The following VPS13C variants were observed in gnomAD, a reference collection of about 807,000 sequenced individuals.
VPS13C encodes vacuolar protein sorting 13 homolog C, also known as intermembrane lipid transfer protein VPS13C.
VPS13C carries 358 observed loss-of-function variants against 456.8 expected under a neutral mutation model. That is an observed-to-expected ratio of 0.78 (90% CI 0.72 to 0.86). VPS13C has a LOEUF of 0.86. VPS13C is among the 40% of genes least tolerant of loss of function. VPS13C has a pLI of 0.00. For synonymous variants in VPS13C, 1,578 were observed against 1,486.7 expected (o/e 1.06, Z -1.41); for missense variants, 4,818 against 4,385.4 (o/e 1.10, Z -2.79).
At chr15:61,907,084 C>T (rs1251621864) in intron 66 of VPS13C, 180 bp downstream of exon 66, 1 of 715,560 alleles carries the variant, frequency 1.4e-6, no homozygotes, top group Non-Finnish European at 2.3e-6. Flanking sequence ...TTTGATAGAG[C>T]TAAGGTAATA....
chr15:62,000,665 T>A, intron 15 of VPS13C, 39 bp from the exon 16 acceptor site: 2 of 1,551,436 alleles, frequency 1.3e-6, no homozygotes. Context: ...AGAAATTTAA[T>A]CATTAGATAA....
rs1277564424 is a variant in VPS13C at position 61,853,193 on chromosome 15, A to G, written c.*1264T>C. ...CAGTGTCATTATATATGCCTTATTTATATATAAAACAACCAAAGAATTTTC... is the reference window on the plus strand; with the variant it reads ...CAGTGTCATTATATATGCCTTATTTGTATATAAAACAACCAAAGAATTTTC... On this transcript the variant is annotated 3_prime_UTR_variant, in exon 85 of 85. Coordinates refer to ENST00000644861, the MANE Select transcript of VPS13C (RefSeq NM_020821.3). 1 of 152,174 alleles carries G rather than the reference A, an allele frequency of 6.6e-6. No homozygotes were observed. Among genetic ancestry groups the G allele is most frequent in the African/African-American group, 2.4e-5 (1 of 41,450 alleles). The allele number at this position is 152,174 out of a possible 1,614,324, so 9.4% of individuals were successfully genotyped here. A position where few individuals can be genotyped will look rare whatever the true frequency, so the allele number is the denominator to read the frequency against.
At chr15:61,895,033 C>T (rs184472689) in intron 66 of VPS13C, among the ~76,000 whole-genome samples, 1 of 151,892 alleles carries the variant, frequency 6.6e-6, no homozygotes, top group Non-Finnish European at 1.5e-5. Flanking sequence ...TTTCTGTCCA[C>T]AATGGAATAA....
chr15:62,014,673 G>C (rs1328034082), intron 9 of VPS13C, among the ~76,000 whole-genome samples: 2 of 152,114 alleles, frequency 1.3e-5, no homozygotes, highest in Non-Finnish European at 2.9e-5. Context: ...AATTGAGCCA[G>C]ACAATGTGCC....
intron 66 of VPS13C, among the ~76,000 whole-genome samples, chr15:61,892,610 A>G (rs968048252): frequency 2.6e-5 from 4 of 152,206 alleles, no homozygotes; most frequent in Non-Finnish European, 5.9e-5. Flanking sequence ...AAGAAACAAC[A>G]GCAAGCAGGG....
At chr15:61,960,424 T>C (rs1280428413) in intron 35 of VPS13C, among the ~76,000 whole-genome samples, 1 of 152,206 alleles carries the variant, frequency 6.6e-6, no homozygotes, top group Non-Finnish European at 1.5e-5. Flanking sequence ...GACATTCCTA[T>C]AATGCGAATT....
At position 61,890,433 on chromosome 15, in the gene VPS13C, C is replaced by A; in HGVS notation, c.9106-33G>T. ...GAAGAAAGACTTCATTAAACCCACA[C>A]ATAGTAACTTGTTATTATATAAAAT... On this transcript the variant is annotated intron_variant, in intron 66 of 84. Transcript: ENST00000644861. 2.6e-6 allele frequency: 4 copies of A among 1,562,028 alleles called. No homozygotes were observed. The South Asian group carries it at 3.4e-5, about 13-fold the overall frequency.
At chr15:62,028,561 A>G in intron 5 of VPS13C, 141 bp from the exon 6 acceptor site, 1 of 741,016 alleles carries the variant, frequency 1.3e-6, no homozygotes, top group Non-Finnish European at 2.2e-6. Context: ...TGACACCAAA[A>G]CTATTTTATT....
intron 6 of VPS13C, among the ~76,000 whole-genome samples, chr15:62,025,341 T>G (rs954766449): frequency 6.6e-6 from 1 of 152,102 alleles, no homozygotes; most frequent in African/African-American, 2.4e-5. Context: ...TAATAAGTAA[T>G]GTAACACAAT....
intron 37 of VPS13C, among the ~76,000 whole-genome samples, chr15:61,955,018 T>C (rs12593860): frequency 0.46 from 69,675 of 151,896 alleles, 16,194 homozygotes; most frequent in Middle Eastern, 0.66. Flanking sequence ...GAGGTAATAC[T>C]ACAAAAGAAA....
intron 28 of VPS13C, among the ~76,000 whole-genome samples, chr15:61,968,358 G>A (rs1042818425): frequency 2.0e-5 from 3 of 151,902 alleles, no homozygotes; most frequent in Non-Finnish European, 4.4e-5. Context: ...CATTTACAAT[G>A]TATTAGGTAT....
At position 61,875,737 on chromosome 15, in the gene VPS13C, A is replaced by G; in HGVS notation, c.10333T>C (p.Phe3445Leu). The change falls in exon 76 of 85, where the codon TTC becomes CTC. Residue 3445 changes from phenylalanine (F) to leucine (L), a missense_variant. Phe to Leu is a conservative substitution (Grantham distance 22). This residue lies in a region of VPS13C where 4,552 missense variants were observed against 4,130.6 expected (regional missense o/e 1.10). Coordinates refer to ENST00000644861, the MANE Select transcript of VPS13C (RefSeq NM_020821.3). ...EGVEALFYEP[F>L]QGAVQGPEEF... Reference sequence around the variant, plus strand: ...AACAAATAAGAGGTCAATACCTGGAAGGGTTCATAGAATAAAGCTTCAACT... The same window carrying G: ...AACAAATAAGAGGTCAATACCTGGAGGGGTTCATAGAATAAAGCTTCAACT... The G allele has an allele frequency of 6.2e-7, 1 of 1,608,496 alleles. No individual in the cohort carries two copies.
At chr15:62,017,513 G>C (rs1411170094) in intron 9 of VPS13C, among the ~76,000 whole-genome samples, 1 of 152,158 alleles carries the variant, frequency 6.6e-6, no homozygotes, top group African/African-American at 2.4e-5. Context: ...TGGCTAGCCA[G>C]TTTTCCCAGC....
chr15:61,873,329 G>C lies in VPS13C; in HGVS notation c.10495C>G (p.Gln3499Glu), dbSNP rs762337102. ...LAAITMDKEYQQKRREELSRQ... is the reference protein window; with the variant it reads ...LAAITMDKEYEQKRREELSRQ... ...CTCAACTCTTCTCTTCTTTTTTGCT[G>C]ATATTCCTTGTCCATTGTAATTGCT... The change falls in exon 78 of 85, where the codon CAG (glutamine) becomes GAG (glutamate). Residue 3499 changes from glutamine (Q) to glutamate (E), a missense_variant. By Grantham distance (29) the Gln-to-Glu change is conservative (BLOSUM62 2). Around this residue, in one of 3 missense-constraint regions of VPS13C, gnomAD observed 4,552 missense variants for 4,130.6 expected, o/e 1.10. Transcript: ENST00000644861. The C allele has an allele frequency of 3.7e-6, 6 of 1,613,336 alleles. No homozygotes were observed. Among genetic ancestry groups the C allele is most frequent in the East Asian group, 2.2e-5 (1 of 44,862 alleles).
At chr15:62,057,079 C>T (rs2048827172) in intron 1 of VPS13C, among the ~76,000 whole-genome samples, 1 of 152,112 alleles carries the variant, frequency 6.6e-6, no homozygotes, top group Non-Finnish European at 1.5e-5. Context: ...TGTCTTGTGT[C>T]TTTATTTCTA....
intron 57 of VPS13C, among the ~76,000 whole-genome samples, chr15:61,919,842 CATT>C (rs1193484173): frequency 6.8e-6 from 1 of 147,862 alleles, no homozygotes; most frequent in African/African-American, 2.4e-5. Context: ...ATAATATATA[CATT>C]ATTTAAGGGC....
chr15:61,915,580 T>G (rs1200942427), intron 61 of VPS13C, 53 bp downstream of exon 61: 1 of 1,499,018 alleles, frequency 6.7e-7, no homozygotes, highest in Non-Finnish European at 8.9e-7. Context: ...GACTCCCAAG[T>G]TTCTAGATTA....
At chr15:61,954,685 C>G in intron 37 of VPS13C, 131 bp from the exon 38 acceptor site, 1 of 854,086 alleles carries the variant, frequency 1.2e-6, no homozygotes, top group East Asian at 2.9e-5. Flanking sequence ...CAGCGCTAGC[C>G]CTTGGAAAAC....
At chr15:61,951,300 T>C (rs773836075) in intron 39 of VPS13C, among the ~76,000 whole-genome samples, 2 of 152,096 alleles carry the variant, frequency 1.3e-5, no homozygotes, top group Non-Finnish European at 1.5e-5. Flanking sequence ...AATCATGGTA[T>C]AAAGAACCTA....
Sources: allele counts gnomAD v4.1 joint callset (sites outside exome capture counted in the v4.1 genomes callset), GRCh38; gene constraint gnomAD v4.1.1; regional missense constraint gnomAD v4.1.1; transcripts MANE v1.5; gene names NCBI Gene and HGNC (gene_info 2026-07-23, HGNC 2026-07-21).